Variants in TMEM184B observed in about 807,000 individuals in gnomAD.
TMEM184B encodes transmembrane protein 184B, also known as putative MAPK-activating protein FM08.
Under a neutral mutation model 41.8 loss-of-function variants are expected in TMEM184B, and 17 were observed. The ratio of observed to expected loss-of-function variants is 0.41; its 90% CI spans 0.28 to 0.61. The LOEUF (loss-of-function observed/expected upper bound fraction) is 0.61. Ranked by LOEUF, TMEM184B falls within the 20% of genes least tolerant of loss-of-function variation. The pLI is 0.34. For missense variants in TMEM184B, 393 were observed against 557.8 expected (o/e 0.70, Z 2.98); for synonymous variants, 240 against 229.5 (o/e 1.05, Z -0.41).
chr22:38,219,773 C>T lies in TMEM184B; in HGVS notation c.*1696G>A, dbSNP rs898065937. ...GAGACAGCTTGGTGAAAGCAGATGG[C>T]GGGGCAGGGCCAGGGCTGGTCCTCA... On this transcript the variant is annotated 3_prime_UTR_variant, in exon 9 of 9. Transcript: ENST00000361906. The T allele has an allele frequency of 2.5e-5, 25 of 985,466 alleles. No homozygotes were observed. The highest frequency in any genetic ancestry group is 1.8e-4 in the Admixed American group (3 of 16,270). The allele number at this position is 985,466 out of a possible 1,614,324, so 61.0% of individuals were successfully genotyped here. A position where few individuals can be genotyped will look rare whatever the true frequency, so the allele number is the denominator to read the frequency against.
chr22:38,226,584 C>T lies in TMEM184B; in HGVS notation c.617+195G>A. The T allele has an allele frequency of 1.8e-6, 1 of 546,934 alleles. No individual in the cohort carries two copies. Among genetic ancestry groups the T allele is most frequent in the Non-Finnish European group, 3.3e-6 (1 of 301,656 alleles). 33.9% of individuals were successfully genotyped at this position (546,934 alleles called of 1,614,324 possible). ...ACATGAACGTGACTGCTGCCAATGGCTCACTCCGGGGCTGGCAGCGGGGCC... is the reference window on the plus strand; with the variant it reads ...ACATGAACGTGACTGCTGCCAATGGTTCACTCCGGGGCTGGCAGCGGGGCC... On this transcript the variant is annotated intron_variant, in intron 6 of 8. Transcript: ENST00000361906. This position sits in a 1 kb window ranked among gnomAD's most constrained non-coding sequence, Gnocchi z 4.6.
intron 3 of TMEM184B, among the ~76,000 whole-genome samples, chr22:38,236,515 ACT>A (rs1375298020): frequency 6.6e-6 from 1 of 151,580 alleles, no homozygotes; most frequent in African/African-American, 2.4e-5. Context: ...GCAGGATCTC[ACT>A]CTGTTGCCCA....
Position 38,225,462 on chromosome 22 carries a change from A to C in TMEM184B, c.749T>G (p.Phe250Cys). The change falls in exon 7 of 9, where the codon TTC becomes TGC. Residue 250 changes from phenylalanine to cysteine, a missense_variant. Phe to Cys is a radical substitution (Grantham distance 205, BLOSUM62 -2). Coordinates refer to ENST00000361906, the MANE Select transcript of TMEM184B (RefSeq NM_012264.5). This position sits in a 1 kb window ranked among gnomAD's most constrained non-coding sequence, Gnocchi z 4.4. ...LSPYSPVLKF[F>C]MVKSVIFLSF... The stretch of plus-strand genomic sequence containing the variant: ...AAGAAAGATGACGGACTTGACCATG[A>C]AGAACTTGAGGACGGGGCTGTAGGG... 1 of 1,577,616 alleles carries C rather than the reference A, an allele frequency of 6.3e-7. No homozygotes were observed. The highest frequency in any genetic ancestry group is 8.6e-7 in the Non-Finnish European group (1 of 1,166,722).
intron 3 of TMEM184B, among the ~76,000 whole-genome samples, chr22:38,236,612 T>C (rs914042942): frequency 6.6e-6 from 1 of 151,884 alleles, no homozygotes; most frequent in African/African-American, 2.4e-5. Flanking sequence ...GCCTCCTGAG[T>C]AGCTGGGACT....
intron 3 of TMEM184B, among the ~76,000 whole-genome samples, chr22:38,232,625 G>A (rs562864168): frequency 3.3e-5 from 5 of 152,294 alleles, no homozygotes; most frequent in East Asian, 3.9e-4. Context: ...AGGGAGCCAC[G>A]GTGGCCCTCC....
rs549117073 is a variant in TMEM184B at position 38,220,339 on chromosome 22, G to A, written c.*1130C>T. On this transcript the variant is annotated 3_prime_UTR_variant, in exon 9 of 9. Coordinates refer to ENST00000361906, the MANE Select transcript of TMEM184B (RefSeq NM_012264.5). ...ACTAAGAGCCCCAGGGAGCGTGTGG[G>A]ACAGATGGGGAGCCAGGGAGGGGCG... is the stretch of plus-strand genomic sequence containing the variant. 1.0e-6 allele frequency: 1 copy of A among 986,304 alleles called. No homozygotes were observed. The highest frequency in any genetic ancestry group is 1.1e-4 in the East Asian group (1 of 8,818). The allele number at this position is 986,304 out of a possible 1,614,324, so 61.1% of individuals were successfully genotyped here.
chr22:38,263,183 G>A lies in TMEM184B; in HGVS notation c.-59+9701C>T, dbSNP rs148937206. ...CTCCCAAACTGCTGGGATTACAGGCGTGAGCCACCGCACCTGGCCCATTTT... is the reference window on the plus strand; with the variant it reads ...CTCCCAAACTGCTGGGATTACAGGCATGAGCCACCGCACCTGGCCCATTTT... On this transcript the variant is annotated intron_variant, in intron 1 of 8. Coordinates refer to ENST00000361906, the MANE Select transcript of TMEM184B (RefSeq NM_012264.5). Among the ~76,000 whole-genome samples, 989 of 152,242 alleles carry A rather than the reference G, an allele frequency of 6.5e-3. 13 individuals are homozygous for A. Among genetic ancestry groups the A allele is most frequent in the African/African-American group, 0.023 (935 of 41,534 alleles).
chr22:38,241,198 G>C (rs1016582380), intron 3 of TMEM184B, among the ~76,000 whole-genome samples: 1 of 152,224 alleles, frequency 6.6e-6, no homozygotes, highest in African/African-American at 2.4e-5. Flanking sequence ...GCGTCACGGG[G>C]AAAATGGCAG....
chr22:38,234,200 T>G (rs996076979), intron 3 of TMEM184B, among the ~76,000 whole-genome samples: 1 of 152,164 alleles, frequency 6.6e-6, no homozygotes, highest in Non-Finnish European at 1.5e-5. Context: ...TTGTGACATC[T>G]GATGTAGGGG....
chr22:38,255,906 G>T (rs114781949), intron 1 of TMEM184B, among the ~76,000 whole-genome samples: 1,818 of 152,312 alleles, frequency 0.012, 31 homozygotes, highest in African/African-American at 0.041. Flanking sequence ...ATTTTAAAGG[G>T]TACCAGGGGA....
Position 38,225,137 on chromosome 22 carries a change from C to A in TMEM184B, c.788-158G>T, listed in dbSNP as rs919501165. 2.0e-5 allele frequency among the ~76,000 whole-genome samples: 3 copies of A among 152,202 alleles called. No homozygotes were observed. Among genetic ancestry groups the A allele is most frequent in the African/African-American group, 7.2e-5 (3 of 41,442 alleles). ...CAGGGGTAGCGACACAAGGCCACAG[C>A]CTCCGGAAACCCCACTCTCCCAGCT... On this transcript the variant is annotated intron_variant, in intron 7 of 8. Coordinates refer to ENST00000361906, the MANE Select transcript of TMEM184B (RefSeq NM_012264.5). The surrounding 1 kb of genome is among the most constrained non-coding windows in gnomAD (Gnocchi z 4.4).
Position 38,256,977 on chromosome 22 carries a change from G to GTT in TMEM184B, c.-58-8960_-58-8959dup, listed in dbSNP as rs777863582. On this transcript the variant is annotated intron_variant, in intron 1 of 8. Transcript: ENST00000361906. ...CAAAGCCTGGAAGTGGACATTAATA[G>GTT]TTTTTTTTTTTTTTTTTTTTTGAGA... Among the ~76,000 whole-genome samples the GTT allele has an allele frequency of 5.3e-3, 658 of 124,260 alleles. 16 individuals are homozygous for GTT. Among genetic ancestry groups the GTT allele is most frequent in the African/African-American group, 0.018 (593 of 32,104 alleles). 81.5% of individuals were successfully genotyped at this position (124,260 alleles called of 152,430 possible).
In TMEM184B at chr22:38,239,841, C is replaced by G. The variant is rs1407228824; in HGVS notation, c.358+6094G>C. ...AAATTATTCTCTACAGAAACAGGTC[C>G]CAGAATTTAAAAAGGCTTCATTTGG... is the stretch of plus-strand genomic sequence containing the variant. On this transcript the variant is annotated intron_variant, in intron 3 of 8. Transcript: ENST00000361906. This position sits in a 1 kb window ranked among gnomAD's most constrained non-coding sequence, Gnocchi z 4.6. Among the ~76,000 whole-genome samples, 1 of 152,086 alleles carries G rather than the reference C, an allele frequency of 6.6e-6. No individual in the cohort carries two copies. Among genetic ancestry groups the G allele is most frequent in the Non-Finnish European group, 1.5e-5 (1 of 68,020 alleles).
In TMEM184B at chr22:38,221,433, C is replaced by G; in HGVS notation, c.*36G>C. The G allele has an allele frequency of 1.3e-6, 2 of 1,561,468 alleles. No individual in the cohort carries two copies. The highest frequency in any genetic ancestry group is 1.7e-6 in the Non-Finnish European group (2 of 1,153,762). ...GAGGTGGGGCACAGCCTGACCGTGG[C>G]TATGGCGCCAGCACTTCCGCCACTG... On this transcript the variant is annotated 3_prime_UTR_variant, in exon 9 of 9. Coordinates refer to ENST00000361906, the MANE Select transcript of TMEM184B (RefSeq NM_012264.5).
chr22:38,243,144 C>T (rs1480027177), intron 3 of TMEM184B, among the ~76,000 whole-genome samples: 1 of 151,778 alleles, frequency 6.6e-6, no homozygotes, highest in African/African-American at 2.4e-5. Context: ...AGAGGCCAGG[C>T]CAAAGGGATA....
rs745908169 is a variant in TMEM184B, at chr22:38,226,566, C to T, written c.617+213G>A. The T allele has an allele frequency of 1.3e-4, 68 of 518,438 alleles. No homozygotes were observed. The highest frequency in any genetic ancestry group is 2.2e-4 in the Non-Finnish European group (61 of 282,106). The allele number at this position is 518,438 out of a possible 1,614,324, so 32.1% of individuals were successfully genotyped here. A position where few individuals can be genotyped will look rare whatever the true frequency, so the allele number is the denominator to read the frequency against. On this transcript the variant is annotated intron_variant, in intron 6 of 8. Transcript: ENST00000361906. The surrounding 1 kb of genome is among the most constrained non-coding windows in gnomAD (Gnocchi z 4.6). ...TACCACTCTGCAGCCTGGACATGAA[C>T]GTGACTGCTGCCAATGGCTCACTCC...
intron 5 of TMEM184B, among the ~76,000 whole-genome samples, chr22:38,227,849 C>T (rs952350874): frequency 1.1e-4 from 16 of 152,340 alleles, no homozygotes; most frequent in Admixed American, 8.5e-4. Context: ...AAGAGTTCCT[C>T]AGCCAGGTTT....
At chr22:38,261,961 A>G (rs758564831) in intron 1 of TMEM184B, among the ~76,000 whole-genome samples, 2 of 152,222 alleles carry the variant, frequency 1.3e-5, no homozygotes, top group Non-Finnish European at 2.9e-5. Flanking sequence ...CCCAGCAAAG[A>G]GCGCACACGC....
chr22:38,244,564 C>A (rs2091982729), intron 3 of TMEM184B, among the ~76,000 whole-genome samples: 1 of 152,044 alleles, frequency 6.6e-6, no homozygotes, highest in South Asian at 2.1e-4. Flanking sequence ...TCAAGTGATT[C>A]TCCTGCCTCA....
Sources: gnomAD v4.1 joint callset for allele counts (sites outside exome capture counted in the v4.1 genomes callset) on GRCh38, gnomAD v4.1.1 for gene constraint, Gnocchi (gnomAD v3.1) non-coding constraint, MANE v1.5 for transcripts, NCBI Gene and HGNC (gene_info 2026-07-23, HGNC 2026-07-21) for gene names.